Variants in CLDN14 observed in about 807,000 individuals in gnomAD.
CLDN14 encodes claudin-14.
Under a neutral mutation model 2.1 loss-of-function variants are expected in CLDN14, and 2 were observed. The ratio of observed to expected loss-of-function variants is 0.96; its 90% CI spans 0.39 to 3.01. CLDN14 has a LOEUF of 3.01. Ranked by LOEUF, CLDN14 falls within the 30% of genes most tolerant of loss-of-function variation. The pLI is 0.09. For missense variants in CLDN14, 298 were observed against 328.0 expected (o/e 0.91, Z 0.71); for synonymous variants, 136 against 154.4 (o/e 0.88, Z 0.88).
chr21:36,483,123 C>G (rs562939191), upstream of CLDN14, among the ~76,000 whole-genome samples: 1 of 152,222 alleles, frequency 6.6e-6, no homozygotes, highest in Non-Finnish European at 1.5e-5. Context: ...CCTACCACTA[C>G]GCTGCCTCAT....
At chr21:36,540,596 G>C (rs533004189) in intron 1 of CLDN14, among the ~76,000 whole-genome samples, 3 of 152,124 alleles carry the variant, frequency 2.0e-5, no homozygotes, top group Non-Finnish European at 4.4e-5. Flanking sequence ...AGGACCAGGG[G>C]GGTTTGAGGA....
chr21:36,481,115 A>G (rs1463057383), upstream of CLDN14: 4 of 152,212 alleles, frequency 2.6e-5, no homozygotes, highest in African/African-American at 9.6e-5. Flanking sequence ...CAGGTCATTT[A>G]TAGGCCCAGA....
chr21:36,529,413 C>G (rs142479013), intron 1 of CLDN14, among the ~76,000 whole-genome samples: 179 of 152,086 alleles, frequency 1.2e-3, no homozygotes, highest in African/African-American at 4.2e-3. Context: ...CTCAGCCTCT[C>G]GAGTAGCTGG....
At chr21:36,508,589 G>C (rs991656622) in intron 2 of CLDN14, among the ~76,000 whole-genome samples, 1 of 152,180 alleles carries the variant, frequency 6.6e-6, no homozygotes, top group African/African-American at 2.4e-5. Flanking sequence ...AGTGGGCAGA[G>C]GGCAAGCAAG....
rs1038440039 is a variant in CLDN14, at chr21:36,567,055, G to A, written c.-220+9356C>T. On this transcript the variant is annotated intron_variant, in intron 1 of 2. Coordinates refer to the CLDN14 transcript ENST00000342108. ...TTCCAGGGCATATCTTCATCCCATC[G>A]TGAATTGATCTGTGGCCCTGGATTG... Among the ~76,000 whole-genome samples the A allele has an allele frequency of 3.3e-5, 5 of 152,338 alleles. No homozygotes were observed. In the South Asian group the frequency reaches 8.3e-4, roughly 25 times the overall value.
intron 1 of CLDN14, among the ~76,000 whole-genome samples, chr21:36,533,767 A>G (rs996812796): frequency 6.6e-6 from 1 of 152,122 alleles, no homozygotes; most frequent in Non-Finnish European, 1.5e-5. Flanking sequence ...GCATGTTCTC[A>G]CTTATAAGTG....
At chr21:36,548,389 A>T (rs779547459) in intron 1 of CLDN14, among the ~76,000 whole-genome samples, 12 of 152,134 alleles carry the variant, frequency 7.9e-5, no homozygotes, top group Non-Finnish European at 1.8e-4. Flanking sequence ...GCCCATATTC[A>T]CTGGGACTCA....
At chr21:36,532,830 CT>C (rs906535277) in intron 1 of CLDN14, among the ~76,000 whole-genome samples, 2 of 152,154 alleles carry the variant, frequency 1.3e-5, no homozygotes, top group African/African-American at 2.4e-5. Flanking sequence ...TGCATTCCCC[CT>C]GACCCCCCAT....
chr21:36,533,243 C>T (rs2146503361), intron 1 of CLDN14, among the ~76,000 whole-genome samples: 1 of 152,308 alleles, frequency 6.6e-6, no homozygotes, highest in Admixed American at 6.5e-5. Flanking sequence ...TCCAGCCAGG[C>T]AGAGAGTGGC....
At chr21:36,535,020 A>C (rs1479237555) in intron 1 of CLDN14, among the ~76,000 whole-genome samples, 1 of 152,260 alleles carries the variant, frequency 6.6e-6, no homozygotes, top group East Asian at 1.9e-4. Flanking sequence ...AGGTGGAAAC[A>C]ACAGACTTTG....
intron 2 of CLDN14, among the ~76,000 whole-genome samples, chr21:36,504,814 T>C (rs950616357): frequency 6.6e-6 from 1 of 152,184 alleles, no homozygotes; most frequent in Admixed American, 6.5e-5. Flanking sequence ...GGAAAGAGTA[T>C]GACATCTTCT....
rs1395016125 is a variant in CLDN14, at chr21:36,523,777, A to AAGAAAGAGAGAGAGAGAGAGAGAG, written c.-219-13278_-219-13277insCTCTCTCTCTCTCTCTCTCTTTCT. The stretch of plus-strand genomic sequence containing the variant: ...AAAAAAAAAAAGAAAGAAAGAGAGA[A>AAGAAAGAGAGAGAGAGAGAGAGAG]AGAGAGAAAGAAAGAAAGAAAGAAA... On this transcript the variant is annotated intron_variant, in intron 1 of 2. Coordinates refer to the CLDN14 transcript ENST00000342108. Among the ~76,000 whole-genome samples, 36 of 68,920 alleles carry AAGAAAGAGAGAGAGAGAGAGAGAG rather than the reference A, an allele frequency of 5.2e-4. 1 individual carries two copies. The highest frequency in any genetic ancestry group is 6.2e-3 in the Middle Eastern group (1 of 162). 45.2% of individuals were successfully genotyped at this position (68,920 alleles called of 152,430 possible).
chr21:36,461,973 G>T (rs770494249), intron 1 of CLDN14, among the ~76,000 whole-genome samples, 197 bp from the exon 2 acceptor site: 18 of 152,208 alleles, frequency 1.2e-4, no homozygotes, highest in Non-Finnish European at 2.1e-4. Context: ...GATCTGAAGG[G>T]ATGACAGCCG....
intron 1 of CLDN14, chr21:36,532,502 C>T (rs1248573447): frequency 2.0e-5 from 3 of 151,476 alleles, no homozygotes; most frequent in Admixed American, 6.6e-5. Context: ...TGCTAAATGA[C>T]GAGTTAACGG....
intron 1 of CLDN14, among the ~76,000 whole-genome samples, chr21:36,563,272 C>T (rs980997112): frequency 1.3e-5 from 2 of 152,166 alleles, no homozygotes; most frequent in Non-Finnish European, 2.9e-5. Context: ...GGAGTCATAG[C>T]ATCTCCGTGC....
intron 2 of CLDN14, among the ~76,000 whole-genome samples, chr21:36,501,553 T>C (rs1026835994): frequency 3.9e-5 from 6 of 151,984 alleles, no homozygotes; most frequent in South Asian, 2.1e-4. Flanking sequence ...CTAGAACTTA[T>C]GGGCTTTAGG....
chr21:36,535,936 G>T (rs2087421171), intron 1 of CLDN14, among the ~76,000 whole-genome samples: 1 of 152,204 alleles, frequency 6.6e-6, no homozygotes, highest in Non-Finnish European at 1.5e-5. Context: ...TGGCATGAAA[G>T]GACAACACGG....
At chr21:36,486,476 T>C in intron 2 of CLDN14, 4 of 1,547,586 alleles carry the variant, frequency 2.6e-6, no homozygotes, top group Non-Finnish European at 3.6e-6. Context: ...AGCACTGGGA[T>C]CTACTCCAAA....
At chr21:36,474,993 C>T (rs542235689) in intron 1 of CLDN14, among the ~76,000 whole-genome samples, 23 of 152,200 alleles carry the variant, frequency 1.5e-4, no homozygotes, top group Admixed American at 1.1e-3. Context: ...GGAGGAGGTG[C>T]GGGAGGCTTG....
Sources: allele counts gnomAD v4.1 joint callset (sites outside exome capture counted in the v4.1 genomes callset), GRCh38; gene constraint gnomAD v4.1.1; transcripts MANE v1.5; gene names NCBI Gene and HGNC (gene_info 2026-07-23, HGNC 2026-07-21).